IPO11: variants seen among roughly 807,000 people sequenced by gnomAD.
The protein encoded by IPO11 is importin 11.
IPO11 carries 66 observed loss-of-function variants against 143.2 expected under a neutral mutation model. That is an observed-to-expected ratio of 0.46 (90% confidence interval 0.38 to 0.57). The LOEUF (loss-of-function observed/expected upper bound fraction) is 0.57. IPO11 is among the 20% of genes least tolerant of loss of function. The pLI, the probability that IPO11 is intolerant of heterozygous loss-of-function variation, is 0.00. For synonymous variants in IPO11, 385 were observed against 377.8 expected (o/e 1.02, Z -0.22); for missense variants, 1,026 against 1,141.0 (o/e 0.90, Z 1.45).
intron 1 of IPO11, chr5:62,419,027 T>TTA (rs1457584281): frequency 6.4e-7 from 1 of 1,551,138 alleles, no homozygotes; most frequent in African/African-American, 1.4e-5. Context: ...GTACAGCCTA[T>TTA]TATACACTTG....
At chr5:62,503,710 G>GA (rs1343282347) in intron 16 of IPO11, among the ~76,000 whole-genome samples, 3 of 152,144 alleles carry the variant, frequency 2.0e-5, no homozygotes, top group Admixed American at 2.0e-4. Flanking sequence ...AAAAGCAGGT[G>GA]AAAAAACATC....
chr5:62,581,850 G>A (rs973635120), intron 27 of IPO11, among the ~76,000 whole-genome samples: 3 of 152,180 alleles, frequency 2.0e-5, no homozygotes, highest in African/African-American at 2.4e-5. Context: ...ATGCTGTTGA[G>A]TATAACATTT....
intron 24 of IPO11, among the ~76,000 whole-genome samples, chr5:62,546,126 C>G (rs1743167174): frequency 6.6e-6 from 1 of 152,192 alleles, no homozygotes; most frequent in East Asian, 1.9e-4. Flanking sequence ...ATATATCATG[C>G]TGCTATAAAG....
intron 29 of IPO11, among the ~76,000 whole-genome samples, chr5:62,617,928 A>C (rs1746202046): frequency 6.6e-6 from 1 of 152,138 alleles, no homozygotes; most frequent in Admixed American, 6.5e-5. Context: ...AGGATAGCCT[A>C]TGGTAGTCTT....
At chr5:62,580,388 A>C in intron 27 of IPO11, 2 of 1,549,916 alleles carry the variant, frequency 1.3e-6, no homozygotes, top group Non-Finnish European at 1.7e-6. Context: ...AGCATTGATA[A>C]TGATACATTT....
intron 2 of IPO11, among the ~76,000 whole-genome samples, chr5:62,440,328 T>C (rs1178225398): frequency 6.6e-6 from 1 of 151,708 alleles, no homozygotes; most frequent in Non-Finnish European, 1.5e-5. Context: ...TTTCTAAAAT[T>C]GGCTGTATAG....
chr5:62,457,422 T>C (rs247232), intron 5 of IPO11, among the ~76,000 whole-genome samples: 66,025 of 151,986 alleles, frequency 0.43, 14,919 homozygotes, highest in South Asian at 0.53. Context: ...AGTTTGAGGC[T>C]GTAGTGATAT....
chr5:62,503,392 A>AC (rs1561338310), intron 16 of IPO11, among the ~76,000 whole-genome samples: 4 of 145,382 alleles, frequency 2.8e-5, no homozygotes, highest in South Asian at 4.2e-4. Flanking sequence ...AATAGTATCT[A>AC]TTAATATATT....
At chr5:62,545,394 A>G (rs1431096434) in intron 24 of IPO11, among the ~76,000 whole-genome samples, 2 of 152,208 alleles carry the variant, frequency 1.3e-5, no homozygotes, top group African/African-American at 4.8e-5. Context: ...CTGGCTAGCC[A>G]TATGTAGAAA....
chr5:62,567,802 T>TC (rs942967667), intron 27 of IPO11, among the ~76,000 whole-genome samples: 26 of 152,010 alleles, frequency 1.7e-4, no homozygotes, highest in African/African-American at 5.8e-4. Context: ...CCTAAGGTGA[T>TC]CCGCCCACCT....
Position 62,467,055 on chromosome 5 carries a change from A to AT in IPO11, c.517-75dup, listed in dbSNP as rs1477410841. 3 of 1,326,270 alleles carry AT rather than the reference A, an allele frequency of 2.3e-6. No individual in the cohort carries two copies. The East Asian group carries it at 7.2e-5, about 32-fold the overall frequency. The allele number at this position is 1,326,270 out of a possible 1,614,324, so 82.2% of individuals were successfully genotyped here. On this transcript the variant is annotated intron_variant, in intron 5 of 29. Transcript: ENST00000325324. ...GTGTGCTTAGTTGTAAAACTAAAAT[A>AT]TATTACTTTGTAGTTCTAATGTATT...
chr5:62,413,645 G>T (rs1407179342), intron 1 of IPO11, among the ~76,000 whole-genome samples: 1 of 152,196 alleles, frequency 6.6e-6, no homozygotes, highest in African/African-American at 2.4e-5. Context: ...TAGTGCCAAG[G>T]TTGCAGTTGA....
At position 62,489,359 on chromosome 5, in the gene IPO11, A is replaced by T. The variant is rs780200654; in HGVS notation, c.1357+10A>T. 51 of 1,546,272 alleles carry T rather than the reference A, an allele frequency of 3.3e-5. No individual in the cohort carries two copies. The highest frequency in any genetic ancestry group is 4.4e-5 in the Non-Finnish European group (50 of 1,138,230). ...TTAATCAAAGATGCTGGTATGTTAA[A>T]CTTAAGTGATTTAGAAGCATTTATT... On this transcript the variant is annotated intron_variant, in intron 14 of 29. Transcript: ENST00000325324.
chr5:62,603,298 T>A (rs1745574623), intron 29 of IPO11, among the ~76,000 whole-genome samples: 1 of 152,228 alleles, frequency 6.6e-6, no homozygotes. Context: ...CAGTGAGTGA[T>A]GATGGTCGTG....
At chr5:62,607,531 A>G (rs1407829907) in intron 29 of IPO11, among the ~76,000 whole-genome samples, 1 of 152,194 alleles carries the variant, frequency 6.6e-6, no homozygotes, top group Non-Finnish European at 1.5e-5. Context: ...TTAATTAAAT[A>G]TCAGTAATTT....
chr5:62,531,534 T>A (rs1005080449), intron 22 of IPO11, among the ~76,000 whole-genome samples: 1 of 152,114 alleles, frequency 6.6e-6, no homozygotes, highest in Admixed American at 6.6e-5. Flanking sequence ...TTCACCGTGC[T>A]GGCCAGGCTG....
intron 8 of IPO11, 22 bp downstream of exon 8, chr5:62,474,486 C>T: frequency 1.9e-6 from 3 of 1,538,538 alleles, no homozygotes; most frequent in Non-Finnish European, 2.6e-6. Context: ...CGTTGCAGTC[C>T]TTTTTACTGT....
At chr5:62,486,209 T>G (rs1211455605) in intron 12 of IPO11, among the ~76,000 whole-genome samples, 1 of 152,100 alleles carries the variant, frequency 6.6e-6, no homozygotes, top group Non-Finnish European at 1.5e-5. Context: ...CTCGATCTCC[T>G]GACCTCGTGA....
At chr5:62,440,792 G>C (rs923507874) in intron 2 of IPO11, among the ~76,000 whole-genome samples, 1 of 151,946 alleles carries the variant, frequency 6.6e-6, no homozygotes, top group Non-Finnish European at 1.5e-5. Context: ...GTGAAAGCCC[G>C]TCTTTGCTAA....
Sources: allele counts gnomAD v4.1 joint callset (sites outside exome capture counted in the v4.1 genomes callset), GRCh38; gene constraint gnomAD v4.1.1; transcripts MANE v1.5; gene names NCBI Gene and HGNC (gene_info 2026-07-23, HGNC 2026-07-21).